The following CSMD1 variants were observed in gnomAD, a reference collection of about 807,000 sequenced individuals.
The protein encoded by CSMD1 is CUB and Sushi multiple domains 1, also known as CUB and sushi domain-containing protein 1.
Under a neutral mutation model 417.5 loss-of-function variants are expected in CSMD1, and 213 were observed. The observed-to-expected ratio is 0.51, with a 90% CI of 0.46 to 0.57. The LOEUF is 0.57. Among genes scored for constraint, CSMD1 ranks in the 20% least tolerant of loss-of-function variants. The pLI is 0.00. For missense variants in CSMD1, 6,923 were observed against 4,529.7 expected (o/e 1.53, Z -15.17); for synonymous variants, 2,862 against 1,736.8 (o/e 1.65, Z -16.11).
At chr8:3,798,960 C>G (rs963588102) in intron 5 of CSMD1, among the ~76,000 whole-genome samples, 10 of 151,726 alleles carry the variant, frequency 6.6e-5, no homozygotes, top group Admixed American at 1.3e-4. Flanking sequence ...TTTAGTAGAT[C>G]CATTTATATA....
chr8:4,407,994 T>C (rs1392591090), intron 3 of CSMD1, among the ~76,000 whole-genome samples: 1 of 152,168 alleles, frequency 6.6e-6, no homozygotes, highest in Non-Finnish European at 1.5e-5. Context: ...AGGAGAAAAC[T>C]GCAAGTCCCC....
intron 3 of CSMD1, among the ~76,000 whole-genome samples, chr8:4,069,586 G>C (rs73187986): frequency 5.9e-5 from 9 of 152,116 alleles, no homozygotes; most frequent in African/African-American, 2.2e-4. Context: ...GATGTATCTT[G>C]GGCCAGTGGC....
At chr8:4,488,432 G>C (rs1353288189) in intron 2 of CSMD1, among the ~76,000 whole-genome samples, 1 of 151,954 alleles carries the variant, frequency 6.6e-6, no homozygotes, top group Non-Finnish European at 1.5e-5. Flanking sequence ...TTTTACAGAG[G>C]GCAGAGGTGA....
At chr8:4,685,485 G>A (rs969119477) in intron 1 of CSMD1, among the ~76,000 whole-genome samples, 2 of 152,112 alleles carry the variant, frequency 1.3e-5, no homozygotes, top group African/African-American at 4.8e-5. Flanking sequence ...TGAGGCAGGA[G>A]AATCGCTTAG....
chr8:2,938,235 A>C lies in CSMD1; in HGVS notation c.*350T>G, dbSNP rs1420791565. 9.7e-6 allele frequency: 2 copies of C among 206,918 alleles called. No homozygotes were observed. The highest frequency in any genetic ancestry group is 1.9e-5 in the Non-Finnish European group (2 of 104,134). 12.8% of individuals were successfully genotyped at this position (206,918 alleles called of 1,614,324 possible). On this transcript the variant is annotated 3_prime_UTR_variant, in exon 70 of 70. Transcript: ENST00000635120. ...CTGAGGGACATATCCACGAGCCCAG[A>C]CGATTGCATTGAAAGGCATCTCAGC...
chr8:4,385,352 A>G (rs1480642319), intron 3 of CSMD1, among the ~76,000 whole-genome samples: 1 of 152,260 alleles, frequency 6.6e-6, no homozygotes. Context: ...CTTCACTGCC[A>G]CAAATAACCG....
intron 1 of CSMD1, among the ~76,000 whole-genome samples, chr8:4,773,001 T>G (rs1796674714): frequency 6.6e-6 from 1 of 152,302 alleles, no homozygotes; most frequent in African/African-American, 2.4e-5. Flanking sequence ...CTTCTAGCAC[T>G]GACCAATTAA....
At chr8:3,838,488 G>T (rs972331200) in intron 5 of CSMD1, among the ~76,000 whole-genome samples, 5 of 138,184 alleles carry the variant, frequency 3.6e-5, no homozygotes, top group Non-Finnish European at 7.7e-5. Flanking sequence ...ATAGCCTATA[G>T]ATATATAGCC....
intron 12 of CSMD1, among the ~76,000 whole-genome samples, chr8:3,446,652 T>A (rs1224315818): frequency 6.6e-6 from 1 of 152,154 alleles, no homozygotes; most frequent in Non-Finnish European, 1.5e-5. Context: ...GGAATCTAGT[T>A]AGGAAAAAAA....
chr8:4,605,620 T>C (rs1337091438), intron 2 of CSMD1, among the ~76,000 whole-genome samples: 4 of 152,216 alleles, frequency 2.6e-5, no homozygotes, highest in Non-Finnish European at 5.9e-5. Context: ...AACCATGACC[T>C]TTCCTAGTAT....
chr8:4,087,334 A>C (rs1800472361), intron 3 of CSMD1, among the ~76,000 whole-genome samples: 1 of 152,188 alleles, frequency 6.6e-6, no homozygotes. Context: ...CACACTCCCC[A>C]GGGAACCACT....
chr8:3,861,639 T>G (rs2975367), intron 5 of CSMD1, among the ~76,000 whole-genome samples: 30,434 of 152,152 alleles, frequency 0.2, 3,204 homozygotes, highest in East Asian at 0.36. Context: ...CTTGTTGTCT[T>G]GGAGATGTAT....
chr8:4,023,439 C>G (rs771260021), intron 4 of CSMD1, among the ~76,000 whole-genome samples: 6 of 152,126 alleles, frequency 3.9e-5, no homozygotes, highest in African/African-American at 1.4e-4. Flanking sequence ...AAAGCCAGCA[C>G]TCATCTAGAC....
At chr8:4,155,837 T>G (rs1297406224) in intron 3 of CSMD1, among the ~76,000 whole-genome samples, 1 of 152,130 alleles carries the variant, frequency 6.6e-6, no homozygotes, top group Non-Finnish European at 1.5e-5. Context: ...TAAATCCTCT[T>G]AAATAAGGCA....
rs569341494 is a variant in CSMD1 at position 4,731,993 on chromosome 8, A to G, written c.86-94435T>C. ...GAATGCCAGCGTTATGAGAAGGAGG[A>G]GAGAAAAAACGAGAAGACTGAGGAG... On this transcript the variant is annotated intron_variant, in intron 1 of 69. Transcript: ENST00000635120. 1.6e-4 allele frequency among the ~76,000 whole-genome samples: 25 copies of G among 152,266 alleles called. No individual in the cohort carries two copies. The South Asian group carries it at 4.2e-3, about 25-fold the overall frequency.
chr8:3,186,071 G>A (rs1585592161), intron 36 of CSMD1, among the ~76,000 whole-genome samples: 1 of 143,580 alleles, frequency 7.0e-6, no homozygotes, highest in African/African-American at 2.6e-5. Context: ...TTTCCCTCCT[G>A]TAACACCCAT....
intron 2 of CSMD1, among the ~76,000 whole-genome samples, chr8:4,542,065 C>T (rs17416046): frequency 0.077 from 11,728 of 152,040 alleles, 560 homozygotes; most frequent in South Asian, 0.13. Context: ...GTGCAATGGG[C>T]GCCCTCTAGC....
chr8:4,329,716 G>A (rs1231632639), intron 3 of CSMD1, among the ~76,000 whole-genome samples: 1 of 152,110 alleles, frequency 6.6e-6, no homozygotes, highest in Non-Finnish European at 1.5e-5. Context: ...ATGAGGTCCG[G>A]TGGGAGGTAT....
At chr8:3,514,662 T>G (rs1167388682) in intron 10 of CSMD1, among the ~76,000 whole-genome samples, 7 of 152,058 alleles carry the variant, frequency 4.6e-5, no homozygotes, top group Non-Finnish European at 8.8e-5. Flanking sequence ...ACATTTCAAA[T>G]TTTTTTTATC....
Sources: gnomAD v4.1 joint callset for allele counts (sites outside exome capture counted in the v4.1 genomes callset) on GRCh38, gnomAD v4.1.1 for gene constraint, MANE v1.5 for transcripts, NCBI Gene and HGNC (gene_info 2026-07-23, HGNC 2026-07-21) for gene names.